The following TRHDE variants were observed in gnomAD, a reference collection of about 807,000 sequenced individuals.
TRHDE encodes thyrotropin-releasing hormone-degrading ectoenzyme.
Under a neutral mutation model 125.7 loss-of-function variants are expected in TRHDE, and 72 were observed. The observed-to-expected ratio is 0.57, with a 90% confidence interval of 0.47 to 0.70. TRHDE has a LOEUF of 0.70. TRHDE is among the 30% of genes least tolerant of loss of function. TRHDE has a pLI of 0.00. For missense variants in TRHDE, 1,110 were observed against 1,327.1 expected (o/e 0.84, Z 2.54); for synonymous variants, 509 against 509.1 (o/e 1.00, Z 0.00).
intron 3 of TRHDE, among the ~76,000 whole-genome samples, chr12:72,444,605 C>T (rs1875183823): frequency 6.6e-6 from 1 of 151,700 alleles, no homozygotes; most frequent in Non-Finnish European, 1.5e-5. Context: ...AGTAAAATAC[C>T]TACTGTCCTA....
chr12:72,370,821 C>T (rs561907317), intron 2 of TRHDE, among the ~76,000 whole-genome samples: 1 of 152,022 alleles, frequency 6.6e-6, no homozygotes, highest in South Asian at 2.1e-4. Context: ...TGGCTCACTG[C>T]AACCTCTGCC....
intron 3 of TRHDE, among the ~76,000 whole-genome samples, chr12:72,435,129 G>A (rs1001936668): frequency 6.6e-5 from 10 of 152,164 alleles, no homozygotes; most frequent in African/African-American, 2.4e-4. Context: ...TTCTTCAAGA[G>A]GAGCTAGAAA....
intron 2 of TRHDE, among the ~76,000 whole-genome samples, chr12:72,220,384 A>T (rs1877978697): frequency 5.3e-5 from 8 of 152,152 alleles, no homozygotes; most frequent in Admixed American, 4.6e-4. Context: ...AATACAAGTG[A>T]AGCACTTGAG....
chr12:72,334,251 G>T (rs1449910738), intron 2 of TRHDE, among the ~76,000 whole-genome samples: 2 of 152,026 alleles, frequency 1.3e-5, no homozygotes, highest in African/African-American at 4.8e-5. Flanking sequence ...TTCCTTTCTT[G>T]CCAGAATTTT....
intron 1 of TRHDE, among the ~76,000 whole-genome samples, chr12:72,105,078 G>A (rs901831942): frequency 3.9e-5 from 6 of 152,176 alleles, no homozygotes; most frequent in Non-Finnish European, 7.3e-5. Flanking sequence ...AGCTGTGAGA[G>A]TCAGATAGCC....
chr12:72,152,871 T>G (rs1402265541), intron 2 of TRHDE, among the ~76,000 whole-genome samples: 4 of 152,174 alleles, frequency 2.6e-5, no homozygotes, highest in Non-Finnish European at 4.4e-5. Flanking sequence ...TTTTGTTGTG[T>G]CTCTGCCAGG....
At chr12:72,551,067 A>G (rs1389919338) in intron 7 of TRHDE, among the ~76,000 whole-genome samples, 1 of 152,028 alleles carries the variant, frequency 6.6e-6, no homozygotes, top group Non-Finnish European at 1.5e-5. Context: ...TAGTAACTTT[A>G]TATAGTTATA....
chr12:72,364,251 G>T (rs978412691), intron 2 of TRHDE, among the ~76,000 whole-genome samples: 1 of 152,010 alleles, frequency 6.6e-6, no homozygotes, highest in Admixed American at 6.6e-5. Context: ...CTGATACAAT[G>T]AAGATTTTAA....
At chr12:72,331,592 A>G (rs1869602085) in intron 2 of TRHDE, among the ~76,000 whole-genome samples, 1 of 152,190 alleles carries the variant, frequency 6.6e-6, no homozygotes, top group Non-Finnish European at 1.5e-5. Flanking sequence ...ATGGCTGAGC[A>G]AGCTGGGCGA....
intron 15 of TRHDE, among the ~76,000 whole-genome samples, chr12:72,646,892 C>A (rs984623676): frequency 6.6e-6 from 1 of 151,888 alleles, no homozygotes; most frequent in Non-Finnish European, 1.5e-5. Context: ...TAGCAGTATT[C>A]AACTTTTAAT....
intron 12 of TRHDE, among the ~76,000 whole-genome samples, chr12:72,581,547 T>A (rs1277391841): frequency 6.6e-6 from 1 of 152,204 alleles, no homozygotes; most frequent in Non-Finnish European, 1.5e-5. Flanking sequence ...CCTGGAATAT[T>A]CAATTTTGCA....
chr12:72,408,750 A>G (rs185501687), intron 3 of TRHDE, among the ~76,000 whole-genome samples: 1 of 152,356 alleles, frequency 6.6e-6, no homozygotes, highest in African/African-American at 2.4e-5. Context: ...AATAGCTGAA[A>G]GTAAAAACTC....
chr12:72,373,052 C>T (rs1178697067), intron 2 of TRHDE, among the ~76,000 whole-genome samples: 2 of 152,074 alleles, frequency 1.3e-5, no homozygotes, highest in Non-Finnish European at 2.9e-5. Context: ...TGTTTGTATC[C>T]TCTTTTATTT....
At chr12:72,466,897 T>G (rs527862791) in intron 3 of TRHDE, among the ~76,000 whole-genome samples, 1 of 152,278 alleles carries the variant, frequency 6.6e-6, no homozygotes, top group South Asian at 2.1e-4. Flanking sequence ...CTCATTCATT[T>G]ATTACTTGTT....
chr12:72,318,800 A>C (rs1279424458), intron 2 of TRHDE, among the ~76,000 whole-genome samples: 1 of 152,098 alleles, frequency 6.6e-6, no homozygotes, highest in African/African-American at 2.4e-5. Context: ...AAGTACTTAG[A>C]GCAATTCCTG....
intron 15 of TRHDE, among the ~76,000 whole-genome samples, chr12:72,629,608 T>C (rs2136085210): frequency 1.3e-5 from 2 of 151,798 alleles, no homozygotes; most frequent in Middle Eastern, 3.4e-3. Flanking sequence ...TAATAAGCAT[T>C]ATTATTTGCT....
chr12:72,621,285 C>G, intron 14 of TRHDE, 80 bp downstream of exon 14: 1 of 882,990 alleles, frequency 1.1e-6, no homozygotes, highest in South Asian at 1.5e-5. Context: ...GTGACTTTAG[C>G]TGCATGAGAC....
chr12:72,151,131 G>A (rs1318392640), intron 2 of TRHDE, among the ~76,000 whole-genome samples: 4 of 152,166 alleles, frequency 2.6e-5, no homozygotes, highest in African/African-American at 9.7e-5. Flanking sequence ...GTTTTGATTT[G>A]CATTTCTCTG....
At chr12:72,625,233 T>C (rs1592580147) in intron 15 of TRHDE, among the ~76,000 whole-genome samples, 1 of 151,900 alleles carries the variant, frequency 6.6e-6, no homozygotes, top group East Asian at 1.9e-4. Context: ...TAATAATGTA[T>C]TTAAATACTG....
Sources: gnomAD v4.1 joint callset for allele counts (sites outside exome capture counted in the v4.1 genomes callset) on GRCh38, gnomAD v4.1.1 for gene constraint, MANE v1.5 for transcripts, NCBI Gene and HGNC (gene_info 2026-07-23, HGNC 2026-07-21) for gene names.